The following CAMK1D variants were observed in gnomAD, a reference collection of about 807,000 sequenced individuals.
CAMK1D encodes calcium/calmodulin dependent protein kinase ID, also known as calcium/calmodulin-dependent protein kinase type 1D.
A neutral mutation model predicts 47.7 loss-of-function variants in CAMK1D; 9 were observed. The observed-to-expected ratio is 0.19, with a 90% CI of 0.11 to 0.33. The LOEUF (loss-of-function observed/expected upper bound fraction) is 0.33, where lower values mean the gene tolerates loss of function less well. Ranked by LOEUF, CAMK1D falls within the 10% of genes least tolerant of loss-of-function variation. The pLI is 1.00. For missense variants in CAMK1D, 291 were observed against 488.7 expected (o/e 0.60, Z 3.81); for synonymous variants, 184 against 184.9 (o/e 0.99, Z 0.04).
At chr10:12,477,388 C>T (rs1833933458) in intron 1 of CAMK1D, among the ~76,000 whole-genome samples, 1 of 152,142 alleles carries the variant, frequency 6.6e-6, no homozygotes, top group Non-Finnish European at 1.5e-5. Flanking sequence ...GCACTCCAAC[C>T]TGGGTGACAG....
At chr10:12,740,707 C>T (rs12261968) in intron 3 of CAMK1D, among the ~76,000 whole-genome samples, 1,829 of 152,264 alleles carry the variant, frequency 0.012, 39 homozygotes, top group African/African-American at 0.041. Context: ...ATAGCTGAGC[C>T]GAGGCAGTTC....
chr10:12,632,705 T>C (rs1839414493), intron 2 of CAMK1D, among the ~76,000 whole-genome samples: 1 of 152,130 alleles, frequency 6.6e-6, no homozygotes, highest in South Asian at 2.1e-4. Flanking sequence ...GTTTTTGTTT[T>C]TTCTTTTTTT....
At chr10:12,391,151 A>G (rs1325929305) in intron 1 of CAMK1D, among the ~76,000 whole-genome samples, 2 of 152,282 alleles carry the variant, frequency 1.3e-5, no homozygotes, top group Non-Finnish European at 2.9e-5. Flanking sequence ...TAGAGGGGAA[A>G]GATTGAACTT....
intron 1 of CAMK1D, among the ~76,000 whole-genome samples, chr10:12,493,090 G>A (rs1205792302): frequency 1.3e-5 from 2 of 152,190 alleles, no homozygotes; most frequent in East Asian, 3.8e-4. Context: ...ATTGTGGCAT[G>A]TTTACTGAGC....
chr10:12,745,401 G>A (rs967902392), intron 3 of CAMK1D, among the ~76,000 whole-genome samples: 2 of 152,082 alleles, frequency 1.3e-5, no homozygotes, highest in Non-Finnish European at 2.9e-5. Flanking sequence ...AAACACATGC[G>A]TGTGCGCACG....
intron 2 of CAMK1D, among the ~76,000 whole-genome samples, chr10:12,643,844 A>G (rs1839741928): frequency 6.6e-6 from 1 of 151,106 alleles, no homozygotes; most frequent in South Asian, 2.1e-4. Flanking sequence ...AGATCATGCT[A>G]CTACACTCCA....
rs1399252992 is a variant in CAMK1D at position 12,515,216 on chromosome 10, T to TA, written c.93-38008dup. Among the ~76,000 whole-genome samples, 6 of 151,978 alleles carry TA rather than the reference T, an allele frequency of 3.9e-5. No individual in the cohort carries two copies. The South Asian group carries it at 1.2e-3, about 32-fold the overall frequency. The stretch of plus-strand genomic sequence containing the variant: ...ATTTATATGCAGTAAAAATGACTCT[T>TA]ACGGTGTGCAGTCTGAATTCTGACA... On this transcript the variant is annotated intron_variant, in intron 1 of 10. Coordinates refer to ENST00000619168, the MANE Select transcript of CAMK1D (RefSeq NM_153498.4).
chr10:12,727,294 C>T (rs1834688884), intron 3 of CAMK1D, among the ~76,000 whole-genome samples: 2 of 152,176 alleles, frequency 1.3e-5, no homozygotes, highest in African/African-American at 4.8e-5. Context: ...GACATCAAAG[C>T]AGAATGGATT....
chr10:12,645,211 C>A (rs1002598146), intron 2 of CAMK1D, among the ~76,000 whole-genome samples: 2 of 152,100 alleles, frequency 1.3e-5, no homozygotes, highest in Non-Finnish European at 2.9e-5. Flanking sequence ...CATTTATCCC[C>A]TACTATTTTT....
In CAMK1D at chr10:12,393,423, A is replaced by G. The variant is rs994971724; in HGVS notation, c.92+43513A>G. Among the ~76,000 whole-genome samples the G allele has an allele frequency of 4.6e-5, 7 of 152,212 alleles. No individual in the cohort carries two copies. The East Asian group carries it at 1.3e-3, about 29-fold the overall frequency. On this transcript the variant is annotated intron_variant, in intron 1 of 10. Coordinates refer to ENST00000619168, the MANE Select transcript of CAMK1D (RefSeq NM_153498.4). ...TCTCTGAGAGAGGCAAAAACATTTC[A>G]CTCAAGGAACTCATAGTGTTATGGG...
chr10:12,484,940 T>A (rs1264483980), intron 1 of CAMK1D, among the ~76,000 whole-genome samples: 1 of 152,188 alleles, frequency 6.6e-6, no homozygotes, highest in Non-Finnish European at 1.5e-5. Context: ...TACTGGCTTC[T>A]TCCCTTCTCC....
At chr10:12,767,752 A>G (rs2130925532) in intron 4 of CAMK1D, among the ~76,000 whole-genome samples, 1 of 152,358 alleles carries the variant, frequency 6.6e-6, no homozygotes, top group Admixed American at 6.5e-5. Context: ...TCTTCACTGA[A>G]TACACACTTT....
chr10:12,514,777 C>T (rs1440969525), intron 1 of CAMK1D, among the ~76,000 whole-genome samples: 1 of 152,254 alleles, frequency 6.6e-6, no homozygotes, highest in Non-Finnish European at 1.5e-5. Flanking sequence ...GTGTCTAATA[C>T]AATGTGTGGT....
At chr10:12,618,016 G>A (rs1838876302) in intron 2 of CAMK1D, among the ~76,000 whole-genome samples, 2 of 152,130 alleles carry the variant, frequency 1.3e-5, no homozygotes, top group Non-Finnish European at 2.9e-5. Flanking sequence ...AGGGTAGAAT[G>A]CTGTCACTAT....
intron 1 of CAMK1D, among the ~76,000 whole-genome samples, chr10:12,448,655 T>G (rs975443029): frequency 6.6e-6 from 1 of 152,234 alleles, no homozygotes; most frequent in African/African-American, 2.4e-5. Context: ...TGAAAAACAT[T>G]TTTTCGACAT....
At chr10:12,639,595 A>T (rs1839612487) in intron 2 of CAMK1D, among the ~76,000 whole-genome samples, 1 of 152,186 alleles carries the variant, frequency 6.6e-6, no homozygotes, top group Admixed American at 6.5e-5. Context: ...AGGAAGCCTC[A>T]GGAGCATTTT....
chr10:12,480,328 G>A (rs12773671), intron 1 of CAMK1D, among the ~76,000 whole-genome samples: 20,679 of 151,962 alleles, frequency 0.14, 1,532 homozygotes, highest in Non-Finnish European at 0.18. Context: ...TCAGCTACTC[G>A]GGAGGCTGAG....
intron 1 of CAMK1D, among the ~76,000 whole-genome samples, chr10:12,508,425 A>G (rs1834943067): frequency 6.6e-6 from 1 of 152,250 alleles, no homozygotes; most frequent in Admixed American, 6.5e-5. Flanking sequence ...CTATGATTCC[A>G]CTTACTCAGG....
chr10:12,556,051 C>T (rs1250204462), intron 2 of CAMK1D, among the ~76,000 whole-genome samples: 1 of 152,140 alleles, frequency 6.6e-6, no homozygotes, highest in Non-Finnish European at 1.5e-5. Context: ...GCTGGAGTAC[C>T]TGGAAGCGTG....
Sources: gnomAD v4.1 joint callset for allele counts (sites outside exome capture counted in the v4.1 genomes callset) on GRCh38, gnomAD v4.1.1 for gene constraint, MANE v1.5 for transcripts, NCBI Gene and HGNC (gene_info 2026-07-23, HGNC 2026-07-21) for gene names.